Variants in NSUN6 observed in about 807,000 individuals in gnomAD.
NSUN6 encodes NOP2/Sun RNA methyltransferase 6.
A neutral mutation model predicts 58.0 loss-of-function variants in NSUN6; 64 were observed. That is an observed-to-expected ratio of 1.10 (90% CI 0.90 to 1.36). The LOEUF is 1.36. Ranked by LOEUF, NSUN6 falls within the 40% of genes most tolerant of loss-of-function variation. The pLI is 0.00. For missense variants in NSUN6, 701 were observed against 550.1 expected (o/e 1.27, Z -2.74); for synonymous variants, 231 against 193.9 (o/e 1.19, Z -1.59).
At chr10:18,611,483 T>C (rs1262311213) in intron 5 of NSUN6, among the ~76,000 whole-genome samples, 4 of 152,162 alleles carry the variant, frequency 2.6e-5, no homozygotes, top group Non-Finnish European at 5.9e-5. Flanking sequence ...CCGTGGACTA[T>C]TACTGAAATG....
chr10:18,555,653 A>AGAATGGAACG (rs1554850091), intron 8 of NSUN6, among the ~76,000 whole-genome samples: 4 of 147,168 alleles, frequency 2.7e-5, no homozygotes, highest in African/African-American at 1.0e-4. Context: ...AATGGAGAAC[A>AGAATGGAACG]GAATGGAATG....
intron 8 of NSUN6, among the ~76,000 whole-genome samples, chr10:18,576,891 A>G (rs774195159): frequency 2.6e-5 from 4 of 152,192 alleles, no homozygotes; most frequent in Non-Finnish European, 4.4e-5. Context: ...CAACCAGAGG[A>G]AGAAAAAATA....
chr10:18,626,731 C>T (rs1458106617), intron 3 of NSUN6, among the ~76,000 whole-genome samples: 2 of 152,096 alleles, frequency 1.3e-5, no homozygotes, highest in African/African-American at 2.4e-5. Flanking sequence ...CGTGCCATTG[C>T]ACTCTAGCTT....
chr10:18,623,628 G>A (rs1164318963), intron 3 of NSUN6, among the ~76,000 whole-genome samples: 1 of 152,156 alleles, frequency 6.6e-6, no homozygotes, highest in Admixed American at 6.6e-5. Flanking sequence ...AGAAGAAATG[G>A]ATTGTCAGAA....
chr10:18,631,249 T>C (rs1004965573), intron 3 of NSUN6, among the ~76,000 whole-genome samples: 2 of 150,058 alleles, frequency 1.3e-5, no homozygotes, highest in African/African-American at 4.9e-5. Flanking sequence ...TGATGGGACG[T>C]ATCTCAAAAT....
intron 3 of NSUN6, among the ~76,000 whole-genome samples, chr10:18,631,039 A>G (rs1196963180): frequency 6.6e-6 from 1 of 152,054 alleles, no homozygotes; most frequent in South Asian, 2.1e-4. Flanking sequence ...GCAGCACATC[A>G]AAAAGCTTAT....
chr10:18,557,066 T>G (rs1047731557), intron 8 of NSUN6, among the ~76,000 whole-genome samples: 3 of 149,440 alleles, frequency 2.0e-5, no homozygotes, highest in African/African-American at 7.4e-5. Flanking sequence ...GAAAATGGAA[T>G]GGAATGCAGC....
chr10:18,646,935 G>C lies in NSUN6; in HGVS notation c.231+1555C>G, dbSNP rs551409196. Among the ~76,000 whole-genome samples, 7 of 152,268 alleles carry C rather than the reference G, an allele frequency of 4.6e-5. No individual in the cohort carries two copies. In the East Asian group the frequency reaches 1.3e-3, roughly 29 times the overall value. ...AAAACATACACATGGTTATGGAAAA[G>C]TAATGATTTTAGTTGCTTAGGGCAA... On this transcript the variant is annotated intron_variant, in intron 2 of 10. Coordinates refer to ENST00000377304, the MANE Select transcript of NSUN6 (RefSeq NM_182543.5).
intron 7 of NSUN6, among the ~76,000 whole-genome samples, chr10:18,586,885 C>A (rs1232630117): frequency 6.6e-6 from 1 of 152,142 alleles, no homozygotes; most frequent in Non-Finnish European, 1.5e-5. Flanking sequence ...TTACACAGTG[C>A]TGATTGGTGC....
chr10:18,562,787 T>TGGAGTGGAGTGGAGAAA (rs2055627160), intron 8 of NSUN6, among the ~76,000 whole-genome samples: 1 of 142,862 alleles, frequency 7.0e-6, no homozygotes, highest in African/African-American at 2.6e-5. Flanking sequence ...GATAATGGAA[T>TGGAGTGGAGTGGAGAAA]GGAATGGAGT....
At chr10:18,579,524 G>A (rs1030696565) in intron 8 of NSUN6, among the ~76,000 whole-genome samples, 7 of 152,246 alleles carry the variant, frequency 4.6e-5, no homozygotes, top group Non-Finnish European at 8.8e-5. Flanking sequence ...CTGTGTGAAT[G>A]CAAAATATCT....
At chr10:18,644,022 TTGAGA>T (rs2059466090) in intron 2 of NSUN6, among the ~76,000 whole-genome samples, 2 of 152,342 alleles carry the variant, frequency 1.3e-5, no homozygotes, top group Admixed American at 1.3e-4. Flanking sequence ...AACAGCCTTA[TTGAGA>T]TAATTTACAT....
chr10:18,556,559 T>C (rs1465723993), intron 8 of NSUN6, among the ~76,000 whole-genome samples: 2 of 147,502 alleles, frequency 1.4e-5, no homozygotes, highest in East Asian at 2.1e-4. Flanking sequence ...AAATGGAGAA[T>C]GGAATGTTAT....
intron 8 of NSUN6, among the ~76,000 whole-genome samples, chr10:18,577,166 T>C (rs1201443561): frequency 2.6e-5 from 4 of 152,162 alleles, no homozygotes; most frequent in Non-Finnish European, 4.4e-5. Context: ...GCCAGATAGC[T>C]TGGGAAAATA....
At chr10:18,552,002 T>G in intron 8 of NSUN6, 31 bp from the exon 9 acceptor site, 1 of 1,413,616 alleles carries the variant, frequency 7.1e-7, no homozygotes, top group Non-Finnish European at 9.9e-7. Flanking sequence ...ATGTTTACTA[T>G]CTTCCATATA....
chr10:18,605,262 G>A (rs908501260), intron 6 of NSUN6, among the ~76,000 whole-genome samples: 2 of 151,710 alleles, frequency 1.3e-5, no homozygotes, highest in African/African-American at 2.4e-5. Context: ...TTGGGAATGG[G>A]CTCCTACAGG....
At chr10:18,586,201 C>T in intron 7 of NSUN6, 108 bp from the exon 8 acceptor site, 1 of 800,246 alleles carries the variant, frequency 1.2e-6, no homozygotes, top group South Asian at 2.0e-5. Flanking sequence ...GTCTTTTCCA[C>T]CATACTCCCA....
chr10:18,651,811 T>C (rs1244539395), upstream of NSUN6: 9 of 985,396 alleles, frequency 9.1e-6, no homozygotes, highest in Non-Finnish European at 9.6e-6. Flanking sequence ...GGCGGGATGG[T>C]CAAAGATATT....
upstream of NSUN6, among the ~76,000 whole-genome samples, chr10:18,656,953 A>T (rs1233247675): frequency 1.3e-5 from 2 of 150,206 alleles, no homozygotes; most frequent in Non-Finnish European, 2.9e-5. Flanking sequence ...CAGCCACCTC[A>T]TTAGTCGGGA....
Sources: gnomAD v4.1 joint callset for allele counts (sites outside exome capture counted in the v4.1 genomes callset) on GRCh38, gnomAD v4.1.1 for gene constraint, MANE v1.5 for transcripts, NCBI Gene and HGNC (gene_info 2026-07-23, HGNC 2026-07-21) for gene names.